Variants in PTDSS2 observed in about 807,000 individuals in gnomAD.
PTDSS2 encodes the protein phosphatidylserine synthase 2, also known as PSS-2.
Under a neutral mutation model 64.7 loss-of-function variants are expected in PTDSS2, and 41 were observed. The ratio of observed to expected loss-of-function variants is 0.63; its 90% CI spans 0.49 to 0.82. The LOEUF is 0.82. Ranked by LOEUF, PTDSS2 falls within the 40% of genes least tolerant of loss-of-function variation. PTDSS2 has a pLI of 0.00. For synonymous variants in PTDSS2, 297 were observed against 277.8 expected, an observed-to-expected ratio of 1.07 and a Z score of -0.69; for missense variants, 485 against 650.0, an observed-to-expected ratio of 0.75 and a Z score of 2.76.
intron 2 of PTDSS2, among the ~76,000 whole-genome samples, chr11:464,429 C>G (rs985464258): frequency 3.3e-5 from 5 of 152,054 alleles, no homozygotes; most frequent in Admixed American, 2.0e-4. Flanking sequence ...TCACTGTTCC[C>G]TGCGCTCAGA....
upstream of PTDSS2, among the ~76,000 whole-genome samples, chr11:449,652 A>ATT (rs1466884838): frequency 6.6e-6 from 1 of 152,192 alleles, no homozygotes; most frequent in Non-Finnish European, 1.5e-5. Context: ...ATCCTGCGAA[A>ATT]GAATGACCCA....
In PTDSS2 at chr11:461,267, C is replaced by T. The variant is rs1286808611; in HGVS notation, c.284+979C>T. On this transcript the variant is annotated intron_variant, in intron 2 of 11. Coordinates refer to ENST00000308020, the MANE Select transcript of PTDSS2 (RefSeq NM_030783.3). This position sits in a 1 kb window ranked among gnomAD's most constrained non-coding sequence, Gnocchi z 4.2. The stretch of plus-strand genomic sequence containing the variant: ...GGTGGGCATGGTGTGAACGTCATCA[C>T]GCTTGCACGGGCGTTGGTGGCCCTG... 3.9e-5 allele frequency among the ~76,000 whole-genome samples: 6 copies of T among 152,190 alleles called. No homozygotes were observed. Among genetic ancestry groups the T allele is most frequent in the African/African-American group, 1.4e-4 (6 of 41,438 alleles).
chr11:478,193 C>T (rs1033545619), intron 3 of PTDSS2, among the ~76,000 whole-genome samples: 1 of 152,022 alleles, frequency 6.6e-6, no homozygotes, highest in Non-Finnish European at 1.5e-5. Flanking sequence ...TCACATTCAT[C>T]CATGACAAAA....
At chr11:471,386 T>C (rs1478502803) in intron 2 of PTDSS2, among the ~76,000 whole-genome samples, 1 of 152,368 alleles carries the variant, frequency 6.6e-6, no homozygotes, top group Non-Finnish European at 1.5e-5. Flanking sequence ...TGAACCACTG[T>C]GCCCGGCAAG....
At chr11:487,153 C>A in intron 5 of PTDSS2, 80 bp downstream of exon 5, 2 of 1,322,676 alleles carry the variant, frequency 1.5e-6, no homozygotes, top group South Asian at 1.3e-5. Flanking sequence ...ACGCTCCTGC[C>A]TCGCACCCCT....
intron 2 of PTDSS2, among the ~76,000 whole-genome samples, chr11:473,543 G>A (rs942709402): frequency 4.7e-5 from 7 of 149,218 alleles, no homozygotes; most frequent in East Asian, 2.0e-4. Context: ...GCCACTGGGC[G>A]GGCTGCAAAT....
chr11:479,430 A>C lies in PTDSS2; in HGVS notation c.435+278A>C. The C allele has an allele frequency of 1.9e-6, 1 of 538,060 alleles. No individual in the cohort carries two copies. Among genetic ancestry groups the C allele is most frequent in the East Asian group, 3.2e-5 (1 of 30,776 alleles). 33.3% of individuals were successfully genotyped at this position (538,060 alleles called of 1,614,324 possible). ...GGGGCGCTGACTGTGGCCATTTAGC[A>C]GGGCCACACTTAAGGAGGGCAGGGC... is the stretch of plus-strand genomic sequence containing the variant. On this transcript the variant is annotated intron_variant, in intron 4 of 11. Coordinates refer to ENST00000308020, the MANE Select transcript of PTDSS2 (RefSeq NM_030783.3). This position sits in a 1 kb window ranked among gnomAD's most constrained non-coding sequence, Gnocchi z 4.2.
intron 1 of PTDSS2, among the ~76,000 whole-genome samples, chr11:457,395 CT>C (rs1369879473): frequency 2.0e-5 from 3 of 152,228 alleles, no homozygotes; most frequent in Non-Finnish European, 4.4e-5. Context: ...TGGGAGGTTT[CT>C]TTTGTGCCTG....
rs1330860434 is a variant in PTDSS2 at position 470,533 on chromosome 11, G to A, written c.285-3362G>A. 6.6e-6 allele frequency among the ~76,000 whole-genome samples: 1 copy of A among 152,178 alleles called. No individual in the cohort carries two copies. The highest frequency in any genetic ancestry group is 6.5e-5 in the Admixed American group (1 of 15,276). On this transcript the variant is annotated intron_variant, in intron 2 of 11. Coordinates refer to ENST00000308020, the MANE Select transcript of PTDSS2 (RefSeq NM_030783.3). This position sits in a 1 kb window ranked among gnomAD's most constrained non-coding sequence, Gnocchi z 5.3. Reference sequence around the variant, plus strand: ...GACATCAGGGGAGAGCGAAGGAAGTGTAGGCCTCAGCAGCTGTGTGGCAGC... The same window carrying A: ...GACATCAGGGGAGAGCGAAGGAAGTATAGGCCTCAGCAGCTGTGTGGCAGC...
In PTDSS2 at chr11:490,798, A is replaced by ATG. The variant is rs1848647127; in HGVS notation, c.*216_*217insTG. On this transcript the variant is annotated 3_prime_UTR_variant, in exon 12 of 12. Transcript: ENST00000308020. ...TGTGTACGTGTGTATGCGTGTGTGTACGCGTGTGTACGCGCGTGTGTACAC... is the reference window on the plus strand; with the variant it reads ...TGTGTACGTGTGTATGCGTGTGTGTATGCGCGTGTGTACGCGCGTGTGTACAC... 1.7e-6 allele frequency: 1 copy of ATG among 577,908 alleles called. No individual in the cohort carries two copies. The highest frequency in any genetic ancestry group is 3.1e-6 in the Non-Finnish European group (1 of 325,950). The allele number at this position is 577,908 out of a possible 1,614,324, so 35.8% of individuals were successfully genotyped here.
intron 3 of PTDSS2, among the ~76,000 whole-genome samples, chr11:478,212 T>C (rs1437374660): frequency 6.6e-6 from 1 of 151,116 alleles, no homozygotes; most frequent in African/African-American, 2.4e-5. Flanking sequence ...AAACTTAACA[T>C]ACTGGAATTG....
intron 2 of PTDSS2, among the ~76,000 whole-genome samples, chr11:465,705 G>A (rs1847108475): frequency 6.6e-6 from 1 of 151,926 alleles, no homozygotes. Flanking sequence ...TAGGAGGATT[G>A]CTTGAGGTCA....
intron 1 of PTDSS2, chr11:459,169 C>T (rs1296599325): frequency 6.5e-5 from 4 of 61,282 alleles, no homozygotes; most frequent in South Asian, 5.4e-4. Context: ...CTGGGTTAGA[C>T]GTGAGGACAC....
Position 480,000 on chromosome 11 carries a change from C to T in PTDSS2, c.435+848C>T, listed in dbSNP as rs1289829559. The T allele has an allele frequency of 6.6e-6, 1 of 152,392 alleles. No homozygotes were observed. Among genetic ancestry groups the T allele is most frequent in the Non-Finnish European group, 1.5e-5 (1 of 68,158 alleles). The allele number at this position is 152,392 out of a possible 1,614,324, so 9.4% of individuals were successfully genotyped here. On this transcript the variant is annotated intron_variant, in intron 4 of 11. Coordinates refer to ENST00000308020, the MANE Select transcript of PTDSS2 (RefSeq NM_030783.3). The surrounding 1 kb of genome is among the most constrained non-coding windows in gnomAD (Gnocchi z 4.2). The stretch of plus-strand genomic sequence containing the variant: ...TGAATTTTAGCATTTGTGTAGACTT[C>T]TAGAAACACAATTAGGACGCACAAG...
intron 1 of PTDSS2, chr11:459,922 C>G: frequency 2.1e-6 from 1 of 485,086 alleles, no homozygotes; most frequent in Non-Finnish European, 3.8e-6. Context: ...CATGTGCCCT[C>G]TGAGCAGCGG....
In PTDSS2 at chr11:470,222, C is replaced by A. The variant is rs1847358216; in HGVS notation, c.285-3673C>A. ...CGCAGACACCCCCAAGCCCAGTGGT[C>A]AGGTCAGCATGCACTGGTCATGTTC... On this transcript the variant is annotated intron_variant, in intron 2 of 11. Transcript: ENST00000308020. The surrounding 1 kb of genome is among the most constrained non-coding windows in gnomAD (Gnocchi z 5.3). 6.6e-6 allele frequency among the ~76,000 whole-genome samples: 1 copy of A among 152,222 alleles called. No individual in the cohort carries two copies. The highest frequency in any genetic ancestry group is 1.5e-5 in the Non-Finnish European group (1 of 68,044).
At chr11:488,384 G>A (rs956421442) in intron 7 of PTDSS2, 72 bp downstream of exon 7, 28 of 1,412,688 alleles carry the variant, frequency 2.0e-5, no homozygotes, top group African/African-American at 1.4e-4. Context: ...TGTGCCCAGC[G>A]CGGCCCCTGG....
chr11:482,422 G>A (rs1003805206), intron 4 of PTDSS2, among the ~76,000 whole-genome samples: 7 of 152,048 alleles, frequency 4.6e-5, no homozygotes, highest in African/African-American at 7.2e-5. Flanking sequence ...GGGTTTCACC[G>A]TGTTGGCCAG....
In PTDSS2 at chr11:470,745, A is replaced by G. The variant is rs984603364; in HGVS notation, c.285-3150A>G. On this transcript the variant is annotated intron_variant, in intron 2 of 11. Transcript: ENST00000308020. This position sits in a 1 kb window ranked among gnomAD's most constrained non-coding sequence, Gnocchi z 5.3. ...GCTGGGATTACAGGTGCCTGCCACCACATCTGGCTAATTTGTGTATTTTTA... is the reference window on the plus strand; with the variant it reads ...GCTGGGATTACAGGTGCCTGCCACCGCATCTGGCTAATTTGTGTATTTTTA... Among the ~76,000 whole-genome samples the G allele has an allele frequency of 4.6e-5, 7 of 151,776 alleles. No individual in the cohort carries two copies. The highest frequency in any genetic ancestry group is 4.6e-4 in the Admixed American group (7 of 15,232).
Sources: gnomAD v4.1 joint callset for allele counts (sites outside exome capture counted in the v4.1 genomes callset) on GRCh38, gnomAD v4.1.1 for gene constraint, Gnocchi (gnomAD v3.1) non-coding constraint, MANE v1.5 for transcripts, NCBI Gene and HGNC (gene_info 2026-07-23, HGNC 2026-07-21) for gene names.